The following TSNAX variants were observed in gnomAD, a reference collection of about 807,000 sequenced individuals.
TSNAX encodes the protein translin associated factor X, also known as translin-associated protein X.
A neutral mutation model predicts 33.0 loss-of-function variants in TSNAX; 12 were observed. The observed-to-expected ratio is 0.36, with a 90% confidence interval of 0.23 to 0.59. The LOEUF is 0.59. Ranked by LOEUF, TSNAX falls within the 20% of genes least tolerant of loss-of-function variation. The pLI is 0.74. For missense variants in TSNAX, 267 were observed against 341.3 expected (o/e 0.78, Z 1.72); for synonymous variants, 110 against 117.2 (o/e 0.94, Z 0.40).
intron 4 of TSNAX, among the ~76,000 whole-genome samples, chr1:231,550,940 C>G (rs1477221313): frequency 6.6e-6 from 1 of 151,972 alleles, no homozygotes; most frequent in East Asian, 1.9e-4. Flanking sequence ...TTTCCAACAG[C>G]ATCTAAAAAA....
chr1:231,537,259 T>C lies in TSNAX; in HGVS notation c.168T>C (p.Leu56=), dbSNP rs201913509. Residue 56 remains leucine (L), a synonymous_variant, in exon 3 of 6, where the codon CTT becomes CTC. Coordinates refer to ENST00000366639, the MANE Select transcript of TSNAX (RefSeq NM_005999.3). ...CAAGGCATGACAAATATGAGAGACT[T>C]GTGAAACTTAGTCGGGATATAACTG... ...LDARHDKYER[L]VKLSRDITVE... is the part of the protein sequence containing the mutation. The C allele has an allele frequency of 5.0e-6, 8 of 1,613,580 alleles. No homozygotes were observed. Among genetic ancestry groups the C allele is most frequent in the Admixed American group, 1.7e-5 (1 of 59,908 alleles).
intron 2 of TSNAX, chr1:231,535,061 T>G (rs1380553096): frequency 6.6e-6 from 1 of 152,078 alleles, no homozygotes; most frequent in Admixed American, 6.6e-5. Context: ...AGGTACAAGC[T>G]TAGAGAATCA....
intron 4 of TSNAX, among the ~76,000 whole-genome samples, chr1:231,552,719 A>G (rs1193979291): frequency 1.3e-5 from 2 of 152,160 alleles, no homozygotes. Context: ...GAAACCTCCT[A>G]CCTATTAGCG....
At chr1:231,543,837 GT>G in intron 4 of TSNAX, among the ~76,000 whole-genome samples, 1 of 152,216 alleles carries the variant, frequency 6.6e-6, no homozygotes, top group African/African-American at 2.4e-5. Flanking sequence ...AATATCAGGG[GT>G]TTATTTGATT....
chr1:231,562,934 C>T (rs765579571), intron 5 of TSNAX, among the ~76,000 whole-genome samples: 3 of 152,138 alleles, frequency 2.0e-5, no homozygotes, highest in Non-Finnish European at 4.4e-5. Flanking sequence ...ATTCCCATAG[C>T]TCAACGTCAT....
intron 5 of TSNAX, among the ~76,000 whole-genome samples, chr1:231,563,005 A>C (rs757984637): frequency 6.6e-6 from 1 of 152,170 alleles, no homozygotes; most frequent in Non-Finnish European, 1.5e-5. Flanking sequence ...CGTTGCACCA[A>C]ATGGTCTCTG....
chr1:231,528,744 T>C lies in TSNAX; in HGVS notation c.-67T>C. On this transcript the variant is annotated 5_prime_UTR_variant, in exon 1 of 6. Coordinates refer to ENST00000366639, the MANE Select transcript of TSNAX (RefSeq NM_005999.3). ...TGTTTTCCCAGGTTCCCTCGGCCTG[T>C]ACCTCGCGCACTCCTCTTGCTCCAG... 1 of 1,603,082 alleles carries C rather than the reference T, an allele frequency of 6.2e-7. No individual in the cohort carries two copies. Among genetic ancestry groups the C allele is most frequent in the Non-Finnish European group, 8.5e-7 (1 of 1,170,700 alleles).
intron 4 of TSNAX, among the ~76,000 whole-genome samples, chr1:231,551,042 G>C (rs1660263424): frequency 6.6e-6 from 1 of 152,070 alleles, no homozygotes; most frequent in Non-Finnish European, 1.5e-5. Context: ...ATATAGTTTA[G>C]TGTATTAAGA....
chr1:231,561,147 A>T lies in TSNAX; in HGVS notation c.387A>T (p.Glu129Asp). 6.2e-7 allele frequency: 1 copy of T among 1,610,854 alleles called. No homozygotes were observed. Among genetic ancestry groups the T allele is most frequent in the Non-Finnish European group, 8.5e-7 (1 of 1,179,172 alleles). Residue 129 changes from glutamate (E) to aspartate (D), a missense_variant, in exon 5 of 6, where the codon GAA becomes GAT. Physicochemically the swap from Glu to Asp is conservative, Grantham distance 45. Transcript: ENST00000366639. Reference sequence around the variant, plus strand: ...TTTCAGGACTACAGGAATATGTGGAAGCTGTCTCTTTTCAACACTTCATCA... The same window carrying T: ...TTTCAGGACTACAGGAATATGTGGATGCTGTCTCTTTTCAACACTTCATCA... ...AITTGLQEYVEAVSFQHFIKT... is the reference protein window; with the variant it reads ...AITTGLQEYVDAVSFQHFIKT...
At chr1:231,536,125 C>A (rs1304405618) in intron 2 of TSNAX, 2 of 152,162 alleles carry the variant, frequency 1.3e-5, no homozygotes, top group African/African-American at 4.8e-5. Flanking sequence ...TCTTACTGAT[C>A]ATTTTCAGAT....
intron 4 of TSNAX, among the ~76,000 whole-genome samples, chr1:231,554,043 G>A (rs1660527354): frequency 6.6e-6 from 1 of 152,098 alleles, no homozygotes; most frequent in African/African-American, 2.4e-5. Flanking sequence ...AGTAACTTTT[G>A]TTAACACATT....
chr1:231,548,163 T>C (rs1427542937), intron 4 of TSNAX, among the ~76,000 whole-genome samples: 1 of 152,192 alleles, frequency 6.6e-6, no homozygotes, highest in Non-Finnish European at 1.5e-5. Flanking sequence ...CATTATAAAA[T>C]ATTGTCTAAC....
intron 2 of TSNAX, chr1:231,536,365 G>A (rs1296141345): frequency 6.6e-6 from 1 of 151,950 alleles, no homozygotes; most frequent in East Asian, 1.9e-4. Context: ...AAAATAAACG[G>A]GCTAACTAGA....
chr1:231,533,122 A>G (rs1658893509), intron 2 of TSNAX, among the ~76,000 whole-genome samples: 1 of 148,212 alleles, frequency 6.7e-6, no homozygotes, highest in Non-Finnish European at 1.5e-5. Flanking sequence ...ACTGGCGTGC[A>G]GTGGTGCAGT....
At chr1:231,543,270 CTCTT>C (rs1394836449) in intron 4 of TSNAX, among the ~76,000 whole-genome samples, 10 of 150,870 alleles carry the variant, frequency 6.6e-5, no homozygotes, top group East Asian at 1.9e-4. Flanking sequence ...TGGTTCTTTC[CTCTT>C]TCTTCTTTTT....
At chr1:231,529,897 C>T (rs766265536) in intron 2 of TSNAX, among the ~76,000 whole-genome samples, 1 of 152,194 alleles carries the variant, frequency 6.6e-6, no homozygotes, top group Non-Finnish European at 1.5e-5. Flanking sequence ...TCCTTTTGTC[C>T]CTGTCTATCC....
At position 231,529,263 on chromosome 1, in the gene TSNAX, G is replaced by A; in HGVS notation, c.25G>A (p.Gly9Arg). 1 of 1,614,030 alleles carries A rather than the reference G, an allele frequency of 6.2e-7. No homozygotes were observed. Among genetic ancestry groups the A allele is most frequent in the South Asian group, 1.1e-5 (1 of 91,072 alleles). MSNKEGSGGFRKRKHDNFP... is the reference protein window; with the variant it reads MSNKEGSGRFRKRKHDNFP... ...TTTCTTCTCTATATAAGGATCAGGA[G>A]GGTTCAGGAAAAGGAAGCATGACAA... Residue 9 changes from glycine (G) to arginine (R), a missense_variant, in exon 2 of 6, where the codon GGG becomes AGG. Physicochemically the swap from Gly to Arg is moderately radical, Grantham distance 125. This residue lies in a region of TSNAX where 200 missense variants were observed against 214.1 expected (regional missense o/e 0.93). Coordinates refer to ENST00000366639, the MANE Select transcript of TSNAX (RefSeq NM_005999.3).
At chr1:231,543,341 T>A (rs1338610698) in intron 4 of TSNAX, among the ~76,000 whole-genome samples, 1 of 151,504 alleles carries the variant, frequency 6.6e-6, no homozygotes, top group African/African-American at 2.4e-5. Flanking sequence ...AGGTTCAGTA[T>A]CCCTTATCCA....
At chr1:231,531,339 G>A (rs933665316) in intron 2 of TSNAX, among the ~76,000 whole-genome samples, 1 of 152,104 alleles carries the variant, frequency 6.6e-6, no homozygotes, top group East Asian at 1.9e-4. Flanking sequence ...AAGCCGACTT[G>A]GTGACCAACA....
Sources: allele counts gnomAD v4.1 joint callset (sites outside exome capture counted in the v4.1 genomes callset), GRCh38; gene constraint gnomAD v4.1.1; regional missense constraint gnomAD v4.1.1; transcripts MANE v1.5; gene names NCBI Gene and HGNC (gene_info 2026-07-23, HGNC 2026-07-21).